The following EPS15L1 variants were observed in gnomAD, a reference collection of about 807,000 sequenced individuals.
The protein encoded by EPS15L1 is epidermal growth factor receptor pathway substrate 15 like 1.
EPS15L1 carries 43 observed loss-of-function variants against 117.1 expected under a neutral mutation model. That is an observed-to-expected ratio of 0.37 (90% CI 0.29 to 0.47). The LOEUF (loss-of-function observed/expected upper bound fraction) is 0.47, where lower values mean the gene tolerates loss of function less well. Among genes scored for constraint, EPS15L1 ranks in the 20% least tolerant of loss-of-function variants. EPS15L1 has a pLI of 0.99. For synonymous variants in EPS15L1, 459 were observed against 470.5 expected (o/e 0.98, Z 0.32); for missense variants, 981 against 1,164.0 (o/e 0.84, Z 2.29).
rs78449992 is a variant in EPS15L1 at position 16,410,626 on chromosome 19, G to A, written c.1266+3147C>T. Among the ~76,000 whole-genome samples, 47 of 152,208 alleles carry A rather than the reference G, an allele frequency of 3.1e-4. No individual in the cohort carries two copies. The East Asian group carries it at 6.4e-3, about 21-fold the overall frequency. On this transcript the variant is annotated intron_variant, in intron 13 of 23. Coordinates refer to ENST00000455140, the MANE Select transcript of EPS15L1 (RefSeq NM_001258374.3). ...ATGGATGAGTAAAATGTGGCCCATC[G>A]TGGCTTGGCATGGTGGCTCATGCCT...
At chr19:16,425,431 C>A in intron 8 of EPS15L1, 115 bp from the exon 9 acceptor site, 1 of 710,958 alleles carries the variant, frequency 1.4e-6, no homozygotes. Flanking sequence ...TGTCAGGACG[C>A]TCCCAAGCTG....
intron 1 of EPS15L1, among the ~76,000 whole-genome samples, chr19:16,442,763 T>C (rs2093044831): frequency 1.3e-5 from 2 of 152,228 alleles, no homozygotes; most frequent in Non-Finnish European, 2.9e-5. Flanking sequence ...CGCTGGCCAG[T>C]AACTGTTCCC....
chr19:16,424,066 A>G lies in EPS15L1; in HGVS notation c.792+1017T>C, dbSNP rs569344917. Among the ~76,000 whole-genome samples the G allele has an allele frequency of 1.0e-3, 156 of 152,340 alleles. 2 individuals are homozygous for G. Among genetic ancestry groups the G allele is most frequent in the South Asian group, 7.2e-3 (35 of 4,830 alleles). ...CCGTGGAGCTGGCTCTCCCAGTGAC[A>G]GCTGGGCTTTAAGGCCGGCTCAGCA... On this transcript the variant is annotated intron_variant, in intron 9 of 23. Transcript: ENST00000455140.
chr19:16,378,215 T>C (rs754748428), intron 21 of EPS15L1, among the ~76,000 whole-genome samples: 1 of 151,844 alleles, frequency 6.6e-6, no homozygotes, highest in Non-Finnish European at 1.5e-5. Flanking sequence ...GGTAGGTAGG[T>C]AGGCACTTCC....
In EPS15L1 at chr19:16,355,530, C is replaced by T; in HGVS notation, c.*175G>A. Reference sequence around the variant, plus strand: ...GGCCAAGGCCTCTGTAAGGGCTTCCCCAGGAGATGTGACCTTTCCAGGTCT... The same window carrying T: ...GGCCAAGGCCTCTGTAAGGGCTTCCTCAGGAGATGTGACCTTTCCAGGTCT... On this transcript the variant is annotated 3_prime_UTR_variant, in exon 24 of 24. Transcript: ENST00000455140. 1.3e-6 allele frequency: 1 copy of T among 790,412 alleles called. No individual in the cohort carries two copies. Among genetic ancestry groups the T allele is most frequent in the Non-Finnish European group, 1.9e-6 (1 of 516,374 alleles). 49.0% of individuals were successfully genotyped at this position (790,412 alleles called of 1,614,324 possible). A position where few individuals can be genotyped will look rare whatever the true frequency, so the allele number is the denominator to read the frequency against.
intron 9 of EPS15L1, 28 bp from the exon 10 acceptor site, chr19:16,421,504 A>C (rs1367015339): frequency 6.3e-7 from 1 of 1,594,528 alleles, no homozygotes; most frequent in African/African-American, 1.3e-5. Context: ...AAAACAGTTA[A>C]TCTGGAAGCT....
chr19:16,392,046 C>T, intron 19 of EPS15L1, among the ~76,000 whole-genome samples: 1 of 152,156 alleles, frequency 6.6e-6, no homozygotes, highest in Non-Finnish European at 1.5e-5. Flanking sequence ...ATCCTCCTTG[C>T]CCTGATGTGG....
intron 13 of EPS15L1, among the ~76,000 whole-genome samples, chr19:16,408,263 C>G (rs118102021): frequency 6.6e-6 from 1 of 152,114 alleles, no homozygotes; most frequent in East Asian, 1.9e-4. Context: ...CAACAGTCCA[C>G]GGAGTCCACA....
intron 13 of EPS15L1, among the ~76,000 whole-genome samples, chr19:16,409,937 CAAAAAAAAA>C (rs140859526): frequency 4.4e-5 from 2 of 45,030 alleles, no homozygotes; most frequent in Non-Finnish European, 8.0e-5. Context: ...GACTCTGTCT[CAAAAAAAAA>C]AAAAAAAAAA....
At chr19:16,388,909 A>G (rs2092449133) in intron 19 of EPS15L1, among the ~76,000 whole-genome samples, 1 of 152,070 alleles carries the variant, frequency 6.6e-6, no homozygotes, top group Admixed American at 6.6e-5. Flanking sequence ...CACACTAAAC[A>G]AACAAACAAA....
At chr19:16,410,450 C>T (rs923062572) in intron 13 of EPS15L1, among the ~76,000 whole-genome samples, 3 of 152,246 alleles carry the variant, frequency 2.0e-5, no homozygotes, top group African/African-American at 7.2e-5. Flanking sequence ...GAAAAACAGT[C>T]TGGCAGCTCC....
Position 16,440,891 on chromosome 19 carries a change from G to T in EPS15L1, c.184C>A (p.Pro62Thr). The change falls in exon 4 of 24, where the codon CCA becomes ACA. Residue 62 changes from proline to threonine, a missense_variant. This residue lies in a region of EPS15L1 where 62 missense variants were observed against 104.2 expected (regional missense o/e 0.59). Transcript: ENST00000455140. ...ILGKIWDLADPEGKGFLDKQG... is the reference protein window; with the variant it reads ...ILGKIWDLADTEGKGFLDKQG... Reference sequence around the variant, plus strand: ...TTGTCCAAGAACCCTTTACCTTCTGGATCGGCCAAGTCCCATATCTGCGGA... The same window carrying T: ...TTGTCCAAGAACCCTTTACCTTCTGTATCGGCCAAGTCCCATATCTGCGGA... 6.2e-7 allele frequency: 1 copy of T among 1,614,118 alleles called. No homozygotes were observed. The highest frequency in any genetic ancestry group is 1.1e-5 in the South Asian group (1 of 91,068).
At chr19:16,415,255 G>A (rs906679476) in intron 12 of EPS15L1, among the ~76,000 whole-genome samples, 1 of 152,210 alleles carries the variant, frequency 6.6e-6, no homozygotes, top group African/African-American at 2.4e-5. Context: ...CGATCTGCCG[G>A]TATCTGGAGG....
At chr19:16,395,301 A>C in intron 17 of EPS15L1, 43 bp downstream of exon 17, 1 of 1,592,206 alleles carries the variant, frequency 6.3e-7, no homozygotes. Flanking sequence ...TCGACATAAA[A>C]CACACAGTCT....
At chr19:16,448,700 T>C (rs922019020) in intron 1 of EPS15L1, among the ~76,000 whole-genome samples, 4 of 150,884 alleles carry the variant, frequency 2.7e-5, no homozygotes, top group African/African-American at 9.8e-5. Flanking sequence ...TGTAGTGGTG[T>C]GCACCTGTAA....
intron 1 of EPS15L1, among the ~76,000 whole-genome samples, chr19:16,444,931 T>G (rs2093068860): frequency 1.3e-5 from 2 of 152,210 alleles, no homozygotes; most frequent in African/African-American, 4.8e-5. Context: ...TTCACCATAT[T>G]GGCCAGGCTG....
rs770275949 is a variant in EPS15L1, at chr19:16,402,469, G to A, written c.1643C>T (p.Ser548Phe). The A allele has an allele frequency of 2.5e-6, 4 of 1,607,364 alleles. No individual in the cohort carries two copies. In the South Asian group the frequency reaches 4.4e-5, roughly 18 times the overall value. Residue 548 changes from serine (S) to phenylalanine (F), a missense_variant, in exon 16 of 24, where the codon TCC becomes TTC. Transcript: ENST00000455140. ...DEINQARSKL[S>F]QLHESRQEAH... ...CTCCTGGCGGCTTTCATGCAGCTGG[G>A]AAAGTTTGCTCCTTGCCTGTGCAAC...
In EPS15L1 at chr19:16,361,857, A is replaced by C. The variant is rs753543976; in HGVS notation, c.2508T>G (p.Ser836Arg). The C allele has an allele frequency of 6.2e-7, 1 of 1,614,136 alleles. No individual in the cohort carries two copies. The highest frequency in any genetic ancestry group is 1.1e-5 in the South Asian group (1 of 91,074). Residue 836 changes from serine to arginine, a missense_variant, in exon 23 of 24, where the codon AGT (serine) becomes AGG (arginine). Ser to Arg is a moderately radical substitution (Grantham distance 110, BLOSUM62 -1). This residue lies in a region of EPS15L1 where 819 missense variants were observed against 949.0 expected (regional missense o/e 0.86). Coordinates refer to ENST00000455140, the MANE Select transcript of EPS15L1 (RefSeq NM_001258374.3). ...AGGAGGGGACAAATGGGTCTTTTCC[A>C]CTAAACGGGTCCCCAAACCCCTTTT... ...QSKKGFGDPF[S>R]GKDPFVPSSA...
chr19:16,373,567 T>A (rs1206773694), intron 22 of EPS15L1, among the ~76,000 whole-genome samples: 2 of 152,094 alleles, frequency 1.3e-5, no homozygotes, highest in Non-Finnish European at 2.9e-5. Flanking sequence ...CCTTGTGTCT[T>A]CCTGGCGAAC....
Sources: allele counts gnomAD v4.1 joint callset (sites outside exome capture counted in the v4.1 genomes callset), GRCh38; gene constraint gnomAD v4.1.1; regional missense constraint gnomAD v4.1.1; transcripts MANE v1.5; gene names NCBI Gene and HGNC (gene_info 2026-07-23, HGNC 2026-07-21).